The following MAGI2 variants were observed in gnomAD, a reference collection of about 807,000 sequenced individuals.
MAGI2 encodes the protein membrane associated guanylate kinase, WW and PDZ domain containing 2, also known as membrane-associated guanylate kinase, WW and PDZ domain-containing protein 2.
In MAGI2, 35 loss-of-function variants were observed where a neutral mutation model predicts 133.3. The observed-to-expected ratio is 0.26, with a 90% CI of 0.20 to 0.35. MAGI2 has a LOEUF of 0.35. Among genes scored for constraint, MAGI2 ranks in the 10% least tolerant of loss-of-function variants. The probability of loss-of-function intolerance (pLI) is 1.00; values close to 1 mark genes in which losing one functional copy is unlikely to be tolerated. For missense variants in MAGI2, 1,636 were observed against 1,863.4 expected (o/e 0.88, Z 2.25); for synonymous variants, 729 against 710.6 (o/e 1.03, Z -0.41).
intron 1 of MAGI2, among the ~76,000 whole-genome samples, chr7:79,276,583 CT>C (rs1171143584): frequency 2.0e-5 from 3 of 152,288 alleles, no homozygotes; most frequent in African/African-American, 7.2e-5. Flanking sequence ...GGAATTACTT[CT>C]TATGAAGGAG....
At chr7:78,222,456 C>T (rs565282412) in intron 10 of MAGI2, among the ~76,000 whole-genome samples, 4 of 152,318 alleles carry the variant, frequency 2.6e-5, no homozygotes, top group Admixed American at 1.3e-4. Flanking sequence ...ACAACAACCA[C>T]GTGAAGTAGG....
intron 1 of MAGI2, among the ~76,000 whole-genome samples, chr7:79,036,072 A>G (rs541190247): frequency 6.6e-6 from 1 of 152,330 alleles, no homozygotes; most frequent in East Asian, 1.9e-4. Context: ...CAAATAAATG[A>G]TTCAGGATTT....
intron 1 of MAGI2, among the ~76,000 whole-genome samples, chr7:79,362,731 A>G (rs1373959444): frequency 6.6e-6 from 1 of 152,054 alleles, no homozygotes; most frequent in Non-Finnish European, 1.5e-5. Context: ...ATGAAATCCA[A>G]TGGTCATTAG....
chr7:78,168,286 T>C (rs1172339607), intron 14 of MAGI2, among the ~76,000 whole-genome samples, 178 bp from the exon 15 acceptor site: 2 of 152,140 alleles, frequency 1.3e-5, no homozygotes, highest in African/African-American at 4.8e-5. Context: ...TATACAGTTA[T>C]ATAACTTGTG....
chr7:79,136,003 GAGAAAGAA>G (rs1554375907), intron 1 of MAGI2, among the ~76,000 whole-genome samples: 2 of 40,890 alleles, frequency 4.9e-5, no homozygotes, highest in Non-Finnish European at 1.0e-4. Flanking sequence ...AAGAAAGAAA[GAGAAAGAA>G]AGAAAGAAAG....
chr7:79,364,546 A>T (rs2129126319), intron 1 of MAGI2, among the ~76,000 whole-genome samples: 1 of 152,192 alleles, frequency 6.6e-6, no homozygotes, highest in African/African-American at 2.4e-5. Flanking sequence ...AAAGCTTGCT[A>T]CATAGCTAGA....
intron 1 of MAGI2, among the ~76,000 whole-genome samples, chr7:79,197,626 A>G (rs1828200673): frequency 6.6e-6 from 1 of 152,030 alleles, no homozygotes; most frequent in Non-Finnish European, 1.5e-5. Flanking sequence ...GAGAGCTATC[A>G]GTCTGTTTGT....
chr7:78,242,092 A>G (rs10242863), intron 10 of MAGI2, among the ~76,000 whole-genome samples: 24,597 of 152,116 alleles, frequency 0.16, 2,640 homozygotes, highest in East Asian at 0.33. Context: ...TAATTCCTGG[A>G]CACACAAGAA....
At chr7:78,395,320 GAAGA>G (rs1160941038) in intron 6 of MAGI2, among the ~76,000 whole-genome samples, 1 of 152,130 alleles carries the variant, frequency 6.6e-6, no homozygotes, top group African/African-American at 2.4e-5. Context: ...AATGGAAAAA[GAAGA>G]AAAAGGGGGA....
At chr7:78,669,325 A>G (rs1330624746) in intron 2 of MAGI2, among the ~76,000 whole-genome samples, 2 of 152,056 alleles carry the variant, frequency 1.3e-5, no homozygotes, top group Non-Finnish European at 2.9e-5. Context: ...ATCTAGAAGA[A>G]ATGGATAAAT....
rs570742846 is a variant in MAGI2 at position 78,028,173 on chromosome 7, A to G, written c.3707-8197T>C. 2.5e-3 allele frequency among the ~76,000 whole-genome samples: 381 copies of G among 152,314 alleles called. 3 individuals are homozygous for G. Among genetic ancestry groups the G allele is most frequent in the African/African-American group, 8.6e-3 (357 of 41,584 alleles). On this transcript the variant is annotated intron_variant, in intron 21 of 21. Transcript: ENST00000354212. ...AAGTACCTTGAAAATTGCAGAACAAATGGTTTTACTTTGCATCTGCTCTTT... is the reference window on the plus strand; with the variant it reads ...AAGTACCTTGAAAATTGCAGAACAAGTGGTTTTACTTTGCATCTGCTCTTT...
At chr7:78,350,798 G>A (rs1341131976) in intron 7 of MAGI2, among the ~76,000 whole-genome samples, 4 of 152,152 alleles carry the variant, frequency 2.6e-5, no homozygotes, top group African/African-American at 9.7e-5. Flanking sequence ...GTATGCACAG[G>A]ACAGGTAGGC....
chr7:78,051,842 C>T (rs1003494182), intron 21 of MAGI2, among the ~76,000 whole-genome samples: 10 of 151,082 alleles, frequency 6.6e-5, no homozygotes, highest in Non-Finnish European at 1.3e-4. Flanking sequence ...GCCTTGACCT[C>T]CCATTGTGCT....
At chr7:78,023,821 A>G (rs1808650526) in intron 21 of MAGI2, among the ~76,000 whole-genome samples, 2 of 152,236 alleles carry the variant, frequency 1.3e-5, no homozygotes, top group South Asian at 2.1e-4. Context: ...CCAAATGAGG[A>G]TGGAAAATAT....
chr7:78,404,363 C>G (rs1319935761), intron 6 of MAGI2, among the ~76,000 whole-genome samples: 1 of 152,160 alleles, frequency 6.6e-6, no homozygotes, highest in Non-Finnish European at 1.5e-5. Context: ...ATTGCCAAGT[C>G]AATCCTAAGC....
At chr7:78,656,464 A>G (rs1013233754) in intron 2 of MAGI2, among the ~76,000 whole-genome samples, 1 of 152,178 alleles carries the variant, frequency 6.6e-6, no homozygotes, top group African/African-American at 2.4e-5. Context: ...CATGATATCT[A>G]GAGTCTTAAA....
rs186036172 is a variant in MAGI2, at chr7:78,126,446, T to C, written c.3424-609A>G. 2.7e-4 allele frequency among the ~76,000 whole-genome samples: 41 copies of C among 152,344 alleles called. 1 individual carries two copies. The highest frequency in any genetic ancestry group is 2.1e-3 in the Admixed American group (32 of 15,308). Reference sequence around the variant, plus strand: ...CATAATAAAACACAATGTAATCTGATAGAGTTGAGATTGTACTTAATTTAT... The same window carrying C: ...CATAATAAAACACAATGTAATCTGACAGAGTTGAGATTGTACTTAATTTAT... On this transcript the variant is annotated intron_variant, in intron 19 of 21. Coordinates refer to ENST00000354212, the MANE Select transcript of MAGI2 (RefSeq NM_012301.4).
At chr7:79,218,672 C>G (rs1830217161) in intron 1 of MAGI2, among the ~76,000 whole-genome samples, 1 of 152,040 alleles carries the variant, frequency 6.6e-6, no homozygotes, top group Non-Finnish European at 1.5e-5. Flanking sequence ...TAAGATGCTA[C>G]TCTGTAAAAA....
intron 2 of MAGI2, among the ~76,000 whole-genome samples, chr7:78,965,349 T>C (rs1803219243): frequency 6.6e-6 from 1 of 151,892 alleles, no homozygotes; most frequent in Admixed American, 6.6e-5. Flanking sequence ...TTTTTTTTTA[T>C]ATTTCAGAAA....
Sources: allele counts gnomAD v4.1 joint callset (sites outside exome capture counted in the v4.1 genomes callset), GRCh38; gene constraint gnomAD v4.1.1; transcripts MANE v1.5; gene names NCBI Gene and HGNC (gene_info 2026-07-23, HGNC 2026-07-21).